Variants in PCDHGA12 observed in about 807,000 individuals in gnomAD.
PCDHGA12 encodes the protein protocadherin gamma-A12.
PCDHGA12 carries 43 observed loss-of-function variants against 61.1 expected under a neutral mutation model. That is an observed-to-expected ratio of 0.70 (90% confidence interval 0.55 to 0.91). PCDHGA12 has a LOEUF of 0.91. Ranked by LOEUF, PCDHGA12 falls within the 40% of genes least tolerant of loss-of-function variation. The pLI, the probability that PCDHGA12 is intolerant of heterozygous loss-of-function variation, is 0.00. For missense variants in PCDHGA12, 1,236 were observed against 1,227.7 expected (o/e 1.01, Z -0.10); for synonymous variants, 520 against 542.9 (o/e 0.96, Z 0.59).
chr5:141,510,221 C>T lies in PCDHGA12; in HGVS notation c.2573-726C>T, dbSNP rs891359580. On this transcript the variant is annotated intron_variant, in intron 3 of 3. Transcript: ENST00000252085. The stretch of plus-strand genomic sequence containing the variant: ...CCAGGAGGCAGAGGTTGCAGTGAGC[C>T]GGGATCGCGCCACTGCACTCCAGGC... Among the ~76,000 whole-genome samples, 12 of 150,616 alleles carry T rather than the reference C, an allele frequency of 8.0e-5. No homozygotes were observed. In the East Asian group the frequency reaches 1.2e-3, roughly 15 times the overall value.
intron 1 of PCDHGA12, among the ~76,000 whole-genome samples, chr5:141,473,542 G>A (rs1444751260): frequency 6.6e-6 from 1 of 152,176 alleles, no homozygotes; most frequent in Non-Finnish European, 1.5e-5. Flanking sequence ...GGGGCCTAAT[G>A]GAAGACCTCT....
rs766151180 is a variant in PCDHGA12 at position 141,432,210 on chromosome 5, A to G, written c.1451A>G (p.Asn484Ser). Residue 484 changes from asparagine (N) to serine (S), a missense_variant, in exon 1 of 4, where the codon AAC becomes AGC. Physicochemically the swap from Asn to Ser is conservative, Grantham distance 46. Transcript: ENST00000252085. This position sits in a 1 kb window ranked among gnomAD's most constrained non-coding sequence, Gnocchi z 6.0. Reference sequence around the variant, plus strand: ...GCCCACGACCCCGACTGTGAAGAGAACGCCCAGATCACTTATTCCCTGGCT... The same window carrying G: ...GCCCACGACCCCGACTGTGAAGAGAGCGCCCAGATCACTTATTCCCTGGCT... The part of the protein sequence containing the change: ...VTAHDPDCEE[N>S]AQITYSLAEN... 1 of 1,614,138 alleles carries G rather than the reference A, an allele frequency of 6.2e-7. No individual in the cohort carries two copies. Among genetic ancestry groups the G allele is most frequent in the Non-Finnish European group, 8.5e-7 (1 of 1,180,018 alleles).
chr5:141,438,635 TACACACACACACACAC>T (rs56854727), intron 1 of PCDHGA12, among the ~76,000 whole-genome samples: 7 of 33,414 alleles, frequency 2.1e-4, no homozygotes, highest in Non-Finnish European at 3.7e-4. Flanking sequence ...TATATATATA[TACACACACACACACAC>T]ATATATGTAT....
At position 141,486,427 on chromosome 5, in the gene PCDHGA12, A is replaced by T. The variant is rs775958317; in HGVS notation, c.2425-8380A>T. ...CTGGACCCTTGGATCGAGAGGCCAAATCTAGCTATGACATCATGGTCACTG... is the reference window on the plus strand; with the variant it reads ...CTGGACCCTTGGATCGAGAGGCCAATTCTAGCTATGACATCATGGTCACTG... On this transcript the variant is annotated intron_variant, in intron 1 of 3. Transcript: ENST00000252085. The surrounding 1 kb of genome is among the most constrained non-coding windows in gnomAD (Gnocchi z 5.0). 17 of 1,614,042 alleles carry T rather than the reference A, an allele frequency of 1.1e-5. No homozygotes were observed. The Admixed American group carries it at 2.8e-4, about 27-fold the overall frequency.
Position 141,486,791 on chromosome 5 carries a change from C to G in PCDHGA12, c.2425-8016C>G. On this transcript the variant is annotated intron_variant, in intron 1 of 3. Coordinates refer to ENST00000252085, the MANE Select transcript of PCDHGA12 (RefSeq NM_003735.3). The surrounding 1 kb of genome is among the most constrained non-coding windows in gnomAD (Gnocchi z 5.0). ...GCAGTTTGAGGTGCAGGCCCGGGAT[C>G]GGGGCAACCCACCCCTTAGCAGCAC... The G allele has an allele frequency of 1.9e-6, 3 of 1,614,224 alleles. No individual in the cohort carries two copies. The highest frequency in any genetic ancestry group is 2.5e-6 in the Non-Finnish European group (3 of 1,180,046).
At chr5:141,433,381 A>ATCTG (rs1561869478) in intron 1 of PCDHGA12, among the ~76,000 whole-genome samples, 198 bp downstream of exon 1, 2 of 151,148 alleles carry the variant, frequency 1.3e-5, no homozygotes, top group Non-Finnish European at 2.9e-5. Flanking sequence ...CTATCTATCT[A>ATCTG]TCTATCTATC....
intron 1 of PCDHGA12, among the ~76,000 whole-genome samples, chr5:141,466,965 C>G (rs1345790988): frequency 6.6e-6 from 1 of 152,016 alleles, no homozygotes; most frequent in African/African-American, 2.4e-5. Context: ...CAAATATTTT[C>G]TCACAGCTCA....
chr5:141,447,885 A>T (rs2098554278), intron 1 of PCDHGA12, among the ~76,000 whole-genome samples: 1 of 152,134 alleles, frequency 6.6e-6, no homozygotes, highest in Admixed American at 6.6e-5. Context: ...CAGGAGTTCG[A>T]GACCAGCCTG....
chr5:141,507,196 CCAGAT>C (rs2099859095), intron 3 of PCDHGA12: 1 of 152,374 alleles, frequency 6.6e-6, no homozygotes, highest in Non-Finnish European at 1.5e-5. Context: ...CTTTATTCTT[CCAGAT>C]CAGGGTTGCC....
intron 1 of PCDHGA12, chr5:141,441,973 C>T (rs1457832429): frequency 6.7e-6 from 2 of 296,542 alleles, no homozygotes; most frequent in Admixed American, 4.4e-5. Context: ...GCTCTTCAGC[C>T]TGGAATGCGC....
Position 141,486,814 on chromosome 5 carries a change from C to T in PCDHGA12, c.2425-7993C>T, listed in dbSNP as rs1048351154. On this transcript the variant is annotated intron_variant, in intron 1 of 3. Transcript: ENST00000252085. The surrounding 1 kb of genome is among the most constrained non-coding windows in gnomAD (Gnocchi z 5.0). ...ATCGGGGCAACCCACCCCTTAGCAG[C>T]ACTGTAACAGTTCGTCTATTTGTGC... 1.2e-6 allele frequency: 2 copies of T among 1,614,122 alleles called. No individual in the cohort carries two copies. Among genetic ancestry groups the T allele is most frequent in the Non-Finnish European group, 1.7e-6 (2 of 1,180,052 alleles).
At chr5:141,436,959 G>A (rs1385958934) in intron 1 of PCDHGA12, among the ~76,000 whole-genome samples, 1 of 152,120 alleles carries the variant, frequency 6.6e-6, no homozygotes, top group Non-Finnish European at 1.5e-5. Context: ...TCTAAACAAG[G>A]ATCTTGTGAA....
At chr5:141,437,040 C>G (rs188070264) in intron 1 of PCDHGA12, among the ~76,000 whole-genome samples, 1 of 152,266 alleles carries the variant, frequency 6.6e-6, no homozygotes, top group African/African-American at 2.4e-5. Flanking sequence ...ATCACCGAAA[C>G]CAGAAGGCTG....
At position 141,493,904 on chromosome 5, in the gene PCDHGA12, G is replaced by A. The variant is rs1204744465; in HGVS notation, c.2425-903G>A. Among the ~76,000 whole-genome samples, 1 of 152,216 alleles carries A rather than the reference G, an allele frequency of 6.6e-6. No individual in the cohort carries two copies. Among genetic ancestry groups the A allele is most frequent in the Non-Finnish European group, 1.5e-5 (1 of 68,028 alleles). On this transcript the variant is annotated intron_variant, in intron 1 of 3. Transcript: ENST00000252085. The surrounding 1 kb of genome is among the most constrained non-coding windows in gnomAD (Gnocchi z 4.3). ...GGCTCTAGGAGTGCTCCATGAGAGT[G>A]TGTGATGGGATAACACACCCCCTGG...
At position 141,477,272 on chromosome 5, in the gene PCDHGA12, C is replaced by G. The variant is rs2099408579; in HGVS notation, c.2425-17535C>G. The G allele has an allele frequency of 1.2e-6, 2 of 1,614,090 alleles. No homozygotes were observed. The highest frequency in any genetic ancestry group is 1.7e-6 in the Non-Finnish European group (2 of 1,180,048). Reference sequence around the variant, plus strand: ...TGACCTGGATGCTGGCGAGAACGGGCTGGTGACCTGCGAAGTTCCACCGGG... The same window carrying G: ...TGACCTGGATGCTGGCGAGAACGGGGTGGTGACCTGCGAAGTTCCACCGGG... On this transcript the variant is annotated intron_variant, in intron 1 of 3. Coordinates refer to ENST00000252085, the MANE Select transcript of PCDHGA12 (RefSeq NM_003735.3). This position sits in a 1 kb window ranked among gnomAD's most constrained non-coding sequence, Gnocchi z 4.9.
intron 2 of PCDHGA12, among the ~76,000 whole-genome samples, 177 bp from the exon 3 acceptor site, chr5:141,505,216 T>C (rs547855353): frequency 1.1e-4 from 17 of 152,234 alleles, no homozygotes; most frequent in Non-Finnish European, 2.9e-5. Context: ...AGGGACTGAC[T>C]TGTGGGATTC....
At chr5:141,498,588 A>G (rs1326073516) in intron 2 of PCDHGA12, among the ~76,000 whole-genome samples, 1 of 152,082 alleles carries the variant, frequency 6.6e-6, no homozygotes, top group Non-Finnish European at 1.5e-5. Context: ...GTTCTTCAGT[A>G]AACTTGGTTC....
chr5:141,439,171 C>T (rs948650584), intron 1 of PCDHGA12, among the ~76,000 whole-genome samples: 3 of 146,478 alleles, frequency 2.0e-5, no homozygotes, highest in Non-Finnish European at 3.0e-5. Context: ...CCAGCCTGGG[C>T]GACATAGTGA....
At chr5:141,458,730 C>T (rs1239174331) in intron 1 of PCDHGA12, among the ~76,000 whole-genome samples, 1 of 151,928 alleles carries the variant, frequency 6.6e-6, no homozygotes, top group Non-Finnish European at 1.5e-5. Flanking sequence ...CCACCACATC[C>T]AGCTATTGGT....
Sources: gnomAD v4.1 joint callset for allele counts (sites outside exome capture counted in the v4.1 genomes callset) on GRCh38, gnomAD v4.1.1 for gene constraint, Gnocchi (gnomAD v3.1) non-coding constraint, MANE v1.5 for transcripts, NCBI Gene and HGNC (gene_info 2026-07-23, HGNC 2026-07-21) for gene names.